The following ZDHHC7 variants were observed in gnomAD, a reference collection of about 807,000 sequenced individuals.
ZDHHC7 encodes zDHHC palmitoyltransferase 7, also known as palmitoyltransferase ZDHHC7.
A neutral mutation model predicts 34.1 loss-of-function variants in ZDHHC7; 12 were observed. The observed-to-expected ratio is 0.35, with a 90% confidence interval of 0.23 to 0.57. The LOEUF is 0.57. Ranked by LOEUF, ZDHHC7 falls within the 20% of genes least tolerant of loss-of-function variation. The pLI is 0.84. For synonymous variants in ZDHHC7, 185 were observed against 155.4 expected, an observed-to-expected ratio of 1.19 and a Z score of -1.42; for missense variants, 388 against 402.7, an observed-to-expected ratio of 0.96 and a Z score of 0.31.
Position 84,977,122 on chromosome 16 carries a change from T to G in ZDHHC7, c.723A>C (p.Gln241His). 2 of 1,614,140 alleles carry G rather than the reference T, an allele frequency of 1.2e-6. No individual in the cohort carries two copies. Among genetic ancestry groups the G allele is most frequent in the Non-Finnish European group, 1.7e-6 (2 of 1,180,018 alleles). The change falls in exon 7 of 8, where the codon CAA becomes CAC. Residue 241 changes from glutamine (Q) to histidine (H), a missense_variant. Physicochemically the swap from Gln to His is conservative, Grantham distance 24. Coordinates refer to ENST00000313732, the MANE Select transcript of ZDHHC7 (RefSeq NM_017740.3). ...TCTCGTCGTTGCATATGGAGTGGAT[T>G]TGGGTGCCAAACATAACTGCAGTGA... Reference protein sequence around the residue: ...FTFTAVMFGTQIHSICNDETE... With the variant: ...FTFTAVMFGTHIHSICNDETE...
chr16:84,988,112 A>C (rs1317743786), intron 3 of ZDHHC7, among the ~76,000 whole-genome samples: 1 of 152,210 alleles, frequency 6.6e-6, no homozygotes, highest in African/African-American at 2.4e-5. Flanking sequence ...CGGAGGTTGC[A>C]GTAAGCCAAG....
chr16:85,013,541 C>T (rs2072821410), upstream of ZDHHC7, among the ~76,000 whole-genome samples: 1 of 152,010 alleles, frequency 6.6e-6, no homozygotes, highest in Non-Finnish European at 1.5e-5. Flanking sequence ...CCACGCCCGG[C>T]CAAAGGTATT....
intron 2 of ZDHHC7, 86 bp from the exon 3 acceptor site, chr16:84,990,721 C>A (rs2072499145): frequency 1.7e-6 from 2 of 1,143,380 alleles, no homozygotes; most frequent in Admixed American, 2.6e-5. Context: ...TTGTCCTTGG[C>A]CATTTCATGA....
At chr16:84,990,765 TA>T in intron 2 of ZDHHC7, 130 bp from the exon 3 acceptor site, 1 of 726,630 alleles carries the variant, frequency 1.4e-6, no homozygotes, top group Non-Finnish European at 2.2e-6. Context: ...GGAAAGAACA[TA>T]AAAACATAAC....
At chr16:84,996,737 AG>A (rs2072583408) in intron 1 of ZDHHC7, among the ~76,000 whole-genome samples, 1 of 152,178 alleles carries the variant, frequency 6.6e-6, no homozygotes, top group African/African-American at 2.4e-5. Flanking sequence ...TTATAAAAAA[AG>A]AAAGTCCAGG....
At chr16:84,998,042 C>T (rs1275326966) in intron 1 of ZDHHC7, among the ~76,000 whole-genome samples, 2 of 150,084 alleles carry the variant, frequency 1.3e-5, no homozygotes, top group African/African-American at 2.5e-5. Flanking sequence ...GGGCGGATCA[C>T]GAGATCAGGA....
Position 84,990,453 on chromosome 16 carries a change from G to A in ZDHHC7, c.166C>T (p.Leu56Phe). ...CGMICAVMTW[L>F]LVAYADFVVT... The stretch of plus-strand genomic sequence containing the variant: ...ACGAAGTCTGCATAGGCGACCAGAA[G>A]CCACGTCATGACAGCACAGATCATG... Residue 56 changes from leucine (L) to phenylalanine (F), a missense_variant, in exon 3 of 8, where the codon CTT becomes TTT. Leu to Phe is a conservative substitution (Grantham distance 22). Transcript: ENST00000313732. 1 of 1,614,156 alleles carries A rather than the reference G, an allele frequency of 6.2e-7. No homozygotes were observed. The highest frequency in any genetic ancestry group is 8.5e-7 in the Non-Finnish European group (1 of 1,180,020).
chr16:85,014,317 G>T (rs1201948869), upstream of ZDHHC7, among the ~76,000 whole-genome samples: 1 of 152,176 alleles, frequency 6.6e-6, no homozygotes, highest in Non-Finnish European at 1.5e-5. Flanking sequence ...AATAGTTTAG[G>T]GAAGCTTAAC....
intron 3 of ZDHHC7, among the ~76,000 whole-genome samples, chr16:84,984,426 T>C (rs2072410728): frequency 6.6e-6 from 1 of 152,172 alleles, no homozygotes; most frequent in South Asian, 2.1e-4. Context: ...CAGTCGAGTG[T>C]TACACATCTC....
At chr16:85,016,057 C>G (rs1052990727), upstream of ZDHHC7, among the ~76,000 whole-genome samples, 11 of 152,050 alleles carry the variant, frequency 7.2e-5, no homozygotes, top group African/African-American at 1.9e-4. Flanking sequence ...GCATTTCCAC[C>G]CCCCCAACCA....
chr16:85,011,853 G>A (rs368186845), upstream of ZDHHC7, among the ~76,000 whole-genome samples: 4 of 152,200 alleles, frequency 2.6e-5, no homozygotes, highest in East Asian at 7.7e-4. Context: ...CAGCTCCAGT[G>A]GCCTGTACTA....
intron 1 of ZDHHC7, among the ~76,000 whole-genome samples, chr16:85,009,299 T>C (rs1337195195): frequency 2.6e-5 from 4 of 152,120 alleles, no homozygotes; most frequent in Non-Finnish European, 5.9e-5. Context: ...AGTACGTTCA[T>C]ACTTTTGACT....
chr16:84,982,067 C>G, intron 3 of ZDHHC7, 73 bp from the exon 4 acceptor site: 1 of 1,586,296 alleles, frequency 6.3e-7, no homozygotes, highest in African/African-American at 1.3e-5. Flanking sequence ...CGCAGTGGGT[C>G]ACACCTGTAA....
the ZDHHC7 span, among the ~76,000 whole-genome samples, chr16:85,022,625 T>C: frequency 6.6e-6 from 1 of 152,174 alleles, no homozygotes. Flanking sequence ...ATTGAGTTTG[T>C]TGAAAGATAG....
chr16:84,988,668 A>T (rs1369353421), intron 3 of ZDHHC7: 11 of 1,040,276 alleles, frequency 1.1e-5, no homozygotes, highest in Non-Finnish European at 1.6e-5. Context: ...AGCGCAGAGG[A>T]GGAAGGGGCA....
At chr16:84,983,986 A>C (rs1296723709) in intron 3 of ZDHHC7, among the ~76,000 whole-genome samples, 1 of 148,332 alleles carries the variant, frequency 6.7e-6, no homozygotes, top group African/African-American at 2.5e-5. Flanking sequence ...AAAAATTTTT[A>C]CTTAACTTAC....
intron 3 of ZDHHC7, among the ~76,000 whole-genome samples, chr16:84,984,110 C>T (rs1056851092): frequency 4.6e-5 from 7 of 151,028 alleles, no homozygotes; most frequent in African/African-American, 1.7e-4. Flanking sequence ...ACCTCTGCCT[C>T]CGGGGTTCAA....
chr16:85,002,254 C>A (rs997301132), intron 1 of ZDHHC7, among the ~76,000 whole-genome samples: 11 of 152,096 alleles, frequency 7.2e-5, no homozygotes, highest in African/African-American at 2.7e-4. Context: ...TGCTCCCCAC[C>A]CCTCAAGTAT....
chr16:84,977,278 GA>G, intron 6 of ZDHHC7, 53 bp from the exon 7 acceptor site: 1 of 1,600,320 alleles, frequency 6.2e-7, no homozygotes, highest in Non-Finnish European at 8.5e-7. Context: ...CCGAGTGGCA[GA>G]ATGTTTGGCT....
Sources: allele counts gnomAD v4.1 joint callset (sites outside exome capture counted in the v4.1 genomes callset), GRCh38; gene constraint gnomAD v4.1.1; transcripts MANE v1.5; gene names NCBI Gene and HGNC (gene_info 2026-07-23, HGNC 2026-07-21).